Variants in ACVR1 observed in about 807,000 individuals in gnomAD.
ACVR1 encodes activin receptor type-1.
Under a neutral mutation model 57.1 loss-of-function variants are expected in ACVR1, and 38 were observed. The ratio of observed to expected loss-of-function variants is 0.67; its 90% CI spans 0.51 to 0.87. ACVR1 has a LOEUF of 0.87. Ranked by LOEUF, ACVR1 falls within the 40% of genes least tolerant of loss-of-function variation. The pLI is 0.00. For missense variants in ACVR1, 463 were observed against 638.2 expected (o/e 0.73, Z 2.96); for synonymous variants, 212 against 228.1 (o/e 0.93, Z 0.63).
At chr2:157,841,647 G>A (rs1159376301) in intron 1 of ACVR1, among the ~76,000 whole-genome samples, 1 of 152,156 alleles carries the variant, frequency 6.6e-6, no homozygotes, top group Admixed American at 6.5e-5. Context: ...CAAGGTTGGA[G>A]GCTATAGTGT....
chr2:157,799,405 C>T, intron 3 of ACVR1, 22 bp downstream of exon 3: 1 of 1,595,472 alleles, frequency 6.3e-7, no homozygotes, highest in Non-Finnish European at 8.6e-7. Context: ...TATCTTAACC[C>T]AAAAAGATGT....
chr2:157,740,359 C>A (rs1321581586), intron 9 of ACVR1, among the ~76,000 whole-genome samples: 1 of 152,150 alleles, frequency 6.6e-6, no homozygotes, highest in African/African-American at 2.4e-5. Flanking sequence ...GGCCCTTCTT[C>A]TCCTGTAAGG....
intron 1 of ACVR1, among the ~76,000 whole-genome samples, chr2:157,868,194 A>G (rs1014732413): frequency 6.6e-6 from 1 of 152,092 alleles, no homozygotes; most frequent in African/African-American, 2.4e-5. Context: ...GATTAAAAAT[A>G]TGTGCAACTG....
intron 9 of ACVR1, among the ~76,000 whole-genome samples, chr2:157,739,468 C>A (rs946503073): frequency 1.3e-5 from 2 of 152,204 alleles, no homozygotes; most frequent in South Asian, 4.1e-4. Context: ...AAAATGGATT[C>A]TTCCCCTTCA....
intron 1 of ACVR1, among the ~76,000 whole-genome samples, chr2:157,832,803 T>C (rs1688632316): frequency 6.6e-6 from 1 of 152,158 alleles, no homozygotes; most frequent in South Asian, 2.1e-4. Flanking sequence ...AGCCTCAAGA[T>C]TCCACACCTG....
chr2:157,761,076 G>C lies in ACVR1; in HGVS notation c.1068C>G (p.Gly356=), dbSNP rs770232114. 3 of 1,613,628 alleles carry C rather than the reference G, an allele frequency of 1.9e-6. No homozygotes were observed. In the African/African-American group the frequency reaches 4.0e-5, roughly 22 times the overall value. Residue 356 remains glycine (G), a splice_region_variant and synonymous_variant, in exon 9 of 11, where the codon GGC becomes GGG. Transcript: ENST00000434821. The part of the protein sequence containing the change: ...KNGQCCIADL[G]LAVMHSQSTN... ...TGCTCTGGGAATGCATGACTGCCAG[G>C]CCTGAAAGGAAGAAGATAACAATGT... is the stretch of plus-strand genomic sequence containing the variant.
intron 3 of ACVR1, among the ~76,000 whole-genome samples, chr2:157,788,297 C>CA (rs147500067): frequency 1.3e-5 from 2 of 152,118 alleles, no homozygotes. Context: ...AAATATTAAG[C>CA]AAAAAATTCC....
rs1385783794 is a variant in ACVR1 at position 157,852,504 on chromosome 2, A to AG, written c.-183+23291_-183+23292insC. On this transcript the variant is annotated intron_variant, in intron 1 of 10. Transcript: ENST00000434821. ...ACAGAGCGAGAGCCTGTCTCAAAAA[A>AG]AAAAAAAAGAAAAAAAAAAGAGCAA... is the stretch of plus-strand genomic sequence containing the variant. Among the ~76,000 whole-genome samples the AG allele has an allele frequency of 3.5e-5, 5 of 144,028 alleles. No individual in the cohort carries two copies. The South Asian group carries it at 7.2e-4, about 21-fold the overall frequency. 94.5% of individuals were successfully genotyped at this position (144,028 alleles called of 152,430 possible). A position where few individuals can be genotyped will look rare whatever the true frequency, so the allele number is the denominator to read the frequency against.
chr2:157,764,461 G>A (rs1272363656), intron 8 of ACVR1, among the ~76,000 whole-genome samples: 3 of 151,202 alleles, frequency 2.0e-5, no homozygotes, highest in African/African-American at 7.3e-5. Context: ...TTCCGCCTCG[G>A]CCTCCCAAAG....
chr2:157,766,554 C>A (rs1685868230), intron 7 of ACVR1, among the ~76,000 whole-genome samples: 1 of 152,180 alleles, frequency 6.6e-6, no homozygotes, highest in African/African-American at 2.4e-5. Context: ...CATCAACCAT[C>A]CTAAAAGAAC....
At chr2:157,758,090 C>T (rs1266620437) in intron 9 of ACVR1, among the ~76,000 whole-genome samples, 2 of 151,920 alleles carry the variant, frequency 1.3e-5, no homozygotes, top group Non-Finnish European at 2.9e-5. Context: ...AAGAAACCCA[C>T]CTCACTTGTA....
At chr2:157,790,964 A>T (rs776637159) in intron 3 of ACVR1, among the ~76,000 whole-genome samples, 30 of 152,168 alleles carry the variant, frequency 2.0e-4, no homozygotes, top group Admixed American at 5.9e-4. Flanking sequence ...TGACATGGTG[A>T]CCGCTCATGA....
chr2:157,778,270 A>G lies in ACVR1; in HGVS notation c.404T>C (p.Val135Ala). The change falls in exon 5 of 11, where the codon GTA becomes GCA. Residue 135 changes from valine (V) to alanine (A), a missense_variant. By Grantham distance (64) the Val-to-Ala change is moderately conservative. This residue lies in a region of ACVR1 where 203 missense variants were observed against 235.5 expected (regional missense o/e 0.86). Coordinates refer to ENST00000434821, the MANE Select transcript of ACVR1 (RefSeq NM_001111067.4). Reference sequence around the variant, plus strand: ...TCCCAGCAGGCAGGCTAAAAGACATACTGCGAACACTACAGAGAGAATAAT... The same window carrying G: ...TCCCAGCAGGCAGGCTAAAAGACATGCTGCGAACACTACAGAGAGAATAAT... ...GLIILSVVFA[V>A]CLLACLLGVA... The G allele has an allele frequency of 6.2e-7, 1 of 1,614,094 alleles. No individual in the cohort carries two copies. Among genetic ancestry groups the G allele is most frequent in the Non-Finnish European group, 8.5e-7 (1 of 1,179,992 alleles).
intron 1 of ACVR1, among the ~76,000 whole-genome samples, chr2:157,821,009 T>C (rs756442767): frequency 2.0e-5 from 3 of 152,162 alleles, no homozygotes; most frequent in Non-Finnish European, 2.9e-5. Flanking sequence ...AAAACTGTGG[T>C]GTACTATAAG....
intron 2 of ACVR1, among the ~76,000 whole-genome samples, chr2:157,810,359 G>A (rs1377055209): frequency 6.6e-6 from 1 of 152,152 alleles, no homozygotes; most frequent in East Asian, 1.9e-4. Flanking sequence ...AACATGATGG[G>A]GGACAGGTGG....
At chr2:157,741,390 G>A (rs1684756518) in intron 9 of ACVR1, among the ~76,000 whole-genome samples, 1 of 152,140 alleles carries the variant, frequency 6.6e-6, no homozygotes, top group Admixed American at 6.5e-5. Flanking sequence ...CACTTTGGGA[G>A]GCTGAGGTGG....
chr2:157,875,302 G>A (rs1422971834), intron 1 of ACVR1, among the ~76,000 whole-genome samples: 1 of 152,158 alleles, frequency 6.6e-6, no homozygotes, highest in Non-Finnish European at 1.5e-5. Context: ...GGAGGGAGTT[G>A]AGCAGAGTTT....
intron 1 of ACVR1, among the ~76,000 whole-genome samples, chr2:157,822,207 A>T (rs1203893248): frequency 2.0e-5 from 3 of 152,244 alleles, no homozygotes; most frequent in Non-Finnish European, 4.4e-5. Flanking sequence ...AAGAACATGG[A>T]CTTAGGAAGC....
At chr2:157,843,875 C>CA (rs1689049679) in intron 1 of ACVR1, among the ~76,000 whole-genome samples, 1 of 152,084 alleles carries the variant, frequency 6.6e-6, no homozygotes, top group South Asian at 2.1e-4. Context: ...ATGCTTAATA[C>CA]AAAAAACATG....
Sources: allele counts gnomAD v4.1 joint callset (sites outside exome capture counted in the v4.1 genomes callset), GRCh38; gene constraint gnomAD v4.1.1; regional missense constraint gnomAD v4.1.1; transcripts MANE v1.5; gene names NCBI Gene and HGNC (gene_info 2026-07-23, HGNC 2026-07-21).